The following DEAF1 variants were observed in gnomAD, a reference collection of about 807,000 sequenced individuals.
DEAF1 encodes the protein DEAF1 transcription factor.
Under a neutral mutation model 58.9 loss-of-function variants are expected in DEAF1, and 53 were observed. The observed-to-expected ratio is 0.90, with a 90% CI of 0.72 to 1.13. The LOEUF is 1.13. Among genes scored for constraint, DEAF1 ranks in the 50% most tolerant of loss-of-function variants. DEAF1 has a pLI of 0.00. For missense variants in DEAF1, 685 were observed against 791.4 expected (o/e 0.87, Z 1.61); for synonymous variants, 385 against 340.4 (o/e 1.13, Z -1.44).
At chr11:666,972 G>T (rs1859565165) in intron 10 of DEAF1, among the ~76,000 whole-genome samples, 1 of 152,044 alleles carries the variant, frequency 6.6e-6, no homozygotes, top group Non-Finnish European at 1.5e-5. Flanking sequence ...GCCAAGGAAG[G>T]TGGGTTGCTT....
In DEAF1 at chr11:678,791, C is replaced by T. The variant is rs761290349; in HGVS notation, c.1158G>A (p.Arg386=). The T allele has an allele frequency of 1.9e-6, 3 of 1,614,046 alleles. No individual in the cohort carries two copies. Among genetic ancestry groups the T allele is most frequent in the South Asian group, 1.1e-5 (1 of 91,080 alleles). The part of the protein sequence containing the change: ...VQEASVQPPC[R]ASHPEPHYPG... Reference sequence around the variant, plus strand: ...GGTAGTGAGGCTCAGGGTGGCTGGCCCTGCATGGGGGCTGCACGCTGGCCT... The same window carrying T: ...GGTAGTGAGGCTCAGGGTGGCTGGCTCTGCATGGGGGCTGCACGCTGGCCT... The change falls in exon 9 of 12, where the codon AGG becomes AGA. Residue 386 remains arginine (R), a synonymous_variant. Transcript: ENST00000382409.
intron 10 of DEAF1, among the ~76,000 whole-genome samples, chr11:655,285 C>A (rs571886239): frequency 6.6e-6 from 1 of 152,116 alleles, no homozygotes; most frequent in African/African-American, 2.4e-5. Context: ...CCCACCTGAG[C>A]TGGTTTCTGT....
At chr11:695,662 T>G, upstream of DEAF1, 1 of 1,244,936 alleles carries the variant, frequency 8.0e-7, no homozygotes. Context: ...GCCCGAGCGG[T>G]GCCGGACGGA....
intron 1 of DEAF1, chr11:703,994 C>T: frequency 7.4e-6 from 9 of 1,223,814 alleles, no homozygotes; most frequent in Non-Finnish European, 9.2e-6. Flanking sequence ...TAAAAAGTAT[C>T]TAAGCTGTTA....
upstream of DEAF1, among the ~76,000 whole-genome samples, chr11:698,304 G>C (rs537715075): frequency 1.3e-5 from 2 of 152,276 alleles, no homozygotes; most frequent in East Asian, 3.9e-4. Flanking sequence ...TCATCTCTCA[G>C]GTGGGGGTGG....
intron 11 of DEAF1, chr11:646,263 A>C (rs907115259): frequency 6.6e-6 from 1 of 151,942 alleles, no homozygotes; most frequent in Non-Finnish European, 1.5e-5. Flanking sequence ...AAAAAAAAAA[A>C]AAAAAAAAAA....
intron 8 of DEAF1, among the ~76,000 whole-genome samples, chr11:679,088 G>A (rs947522942): frequency 1.3e-5 from 2 of 152,236 alleles, no homozygotes; most frequent in African/African-American, 2.4e-5. Flanking sequence ...CAAGATGGGC[G>A]CATCACGAGG....
chr11:699,947 G>A (rs920348823), upstream of DEAF1: 65 of 564,082 alleles, frequency 1.2e-4, no homozygotes, highest in Non-Finnish European at 2.0e-4. Context: ...CAAAGGCCTT[G>A]TCAGCTCATG....
intron 6 of DEAF1, among the ~76,000 whole-genome samples, chr11:681,930 T>C (rs1392097939): frequency 9.2e-5 from 14 of 152,202 alleles, no homozygotes; most frequent in Admixed American, 8.5e-4. Flanking sequence ...CCAAGGCTCC[T>C]TGCATGTCTT....
At chr11:671,077 C>T (rs1444452761) in intron 10 of DEAF1, among the ~76,000 whole-genome samples, 6 of 151,350 alleles carry the variant, frequency 4.0e-5, no homozygotes, top group Non-Finnish European at 7.4e-5. Flanking sequence ...TACAGGCGCC[C>T]GCCACCACGC....
rs1860342897 is a variant in DEAF1 at position 681,109 on chromosome 11, G to A, written c.871-20C>T. On this transcript the variant is annotated intron_variant, in intron 6 of 11. Transcript: ENST00000382409. ...GCCACTCTGGGGGAGAAAGGAGAGA[G>A]GCCACCACCTTCATGTGTGCAAAAG... is the stretch of plus-strand genomic sequence containing the variant. 1 of 1,613,618 alleles carries A rather than the reference G, an allele frequency of 6.2e-7. No homozygotes were observed. Among genetic ancestry groups the A allele is most frequent in the Non-Finnish European group, 8.5e-7 (1 of 1,180,018 alleles).
chr11:648,350 A>G (rs937877766), intron 11 of DEAF1, among the ~76,000 whole-genome samples: 14 of 151,800 alleles, frequency 9.2e-5, no homozygotes, highest in Admixed American at 8.5e-4. Context: ...GCCCACCACC[A>G]CGCCAAGCTA....
intron 4 of DEAF1, 47 bp downstream of exon 4, chr11:687,864 G>A (rs773695179): frequency 1.2e-6 from 2 of 1,612,080 alleles, no homozygotes; most frequent in Non-Finnish European, 1.7e-6. Context: ...TGCTAGGGGG[G>A]TTACAAAGGG....
At chr11:703,621 A>T in intron 1 of DEAF1, 1 of 1,232,772 alleles carries the variant, frequency 8.1e-7, no homozygotes, top group Non-Finnish European at 1.0e-6. Context: ...CTGTGTTTCC[A>T]AGTCGGGCTG....
At position 688,617 on chromosome 11, in the gene DEAF1, C is replaced by A. The variant is rs1860695902; in HGVS notation, c.388-157G>T. 6.6e-6 allele frequency among the ~76,000 whole-genome samples: 1 copy of A among 152,160 alleles called. No homozygotes were observed. Among genetic ancestry groups the A allele is most frequent in the Non-Finnish European group, 1.5e-5 (1 of 68,026 alleles). On this transcript the variant is annotated intron_variant, in intron 2 of 11. Coordinates refer to ENST00000382409, the MANE Select transcript of DEAF1 (RefSeq NM_021008.4). The surrounding 1 kb of genome is among the most constrained non-coding windows in gnomAD (Gnocchi z 4.3). ...CCATATCTTTTCCAAAGATACCTCT[C>A]AAAGACTTGAAAACAGAGCCAAGAA... is the stretch of plus-strand genomic sequence containing the variant.
chr11:646,563 G>A (rs2133267548), intron 11 of DEAF1: 1 of 152,398 alleles, frequency 6.6e-6, no homozygotes, highest in Middle Eastern at 3.4e-3. Context: ...GGCCTGTGCA[G>A]ATGGAGGGAG....
intron 4 of DEAF1, among the ~76,000 whole-genome samples, chr11:687,400 G>C (rs1295964517): frequency 6.6e-6 from 1 of 152,224 alleles, no homozygotes; most frequent in African/African-American, 2.4e-5. Flanking sequence ...CCCCCAGATG[G>C]TTCCTGGGCG....
intron 1 of DEAF1, chr11:694,558 T>G: frequency 4.1e-6 from 1 of 245,024 alleles, no homozygotes; most frequent in Non-Finnish European, 6.3e-6. Flanking sequence ...GGGGCAGGTG[T>G]GCAGGGCGGG....
intron 5 of DEAF1, among the ~76,000 whole-genome samples, chr11:685,619 C>T (rs12361235): frequency 0.074 from 11,280 of 152,028 alleles, 585 homozygotes; most frequent in Admixed American, 0.17. Context: ...CGCTTGAACC[C>T]GGGAGGCAGA....
Sources: gnomAD v4.1 joint callset for allele counts (sites outside exome capture counted in the v4.1 genomes callset) on GRCh38, gnomAD v4.1.1 for gene constraint, Gnocchi (gnomAD v3.1) non-coding constraint, MANE v1.5 for transcripts, NCBI Gene and HGNC (gene_info 2026-07-23, HGNC 2026-07-21) for gene names.